SPCS3: variants seen among roughly 807,000 people sequenced by gnomAD.
The protein encoded by SPCS3 is signal peptidase complex subunit 3.
A neutral mutation model predicts 17.2 loss-of-function variants in SPCS3; 9 were observed. The observed-to-expected ratio is 0.52, with a 90% confidence interval of 0.31 to 0.91. The LOEUF (loss-of-function observed/expected upper bound fraction) is 0.91, where lower values mean the gene tolerates loss of function less well. Among genes scored for constraint, SPCS3 ranks in the 40% least tolerant of loss-of-function variants. The pLI, the probability that SPCS3 is intolerant of heterozygous loss-of-function variation, is 0.04. For synonymous variants in SPCS3, 87 were observed against 89.6 expected (o/e 0.97, Z 0.16); for missense variants, 139 against 217.5 (o/e 0.64, Z 2.27).
chr4:176,326,439 A>G (rs1024307236), intron 3 of SPCS3, among the ~76,000 whole-genome samples: 2 of 152,174 alleles, frequency 1.3e-5, no homozygotes, highest in African/African-American at 4.8e-5. Context: ...AGTGGCCACA[A>G]ATTTTTTTTA....
At position 176,320,068 on chromosome 4, in the gene SPCS3, A is replaced by G; in HGVS notation, c.-9A>G. On this transcript the variant is annotated 5_prime_UTR_variant, in exon 1 of 5. Coordinates refer to ENST00000503362, the MANE Select transcript of SPCS3 (RefSeq NM_021928.4). The stretch of plus-strand genomic sequence containing the variant: ...CGTGTGGAGTCCGGACTCGTGGGAG[A>G]CGATCGCGATGAACACGGTGCTGTC... The G allele has an allele frequency of 3.9e-6, 6 of 1,542,168 alleles. No homozygotes were observed. The highest frequency in any genetic ancestry group is 5.3e-6 in the Non-Finnish European group (6 of 1,142,396).
rs371867736 is a variant in SPCS3, at chr4:176,327,266, A to G, written c.399A>G (p.Gly133=). Residue 133 remains glycine, a synonymous_variant, in exon 4 of 5, where the codon GGA becomes GGG. Transcript: ENST00000503362. ...MKTKYFFFDD[G]NGLKGNRNVT... is the part of the protein sequence containing the mutation. The stretch of plus-strand genomic sequence containing the variant: ...CAAAATATTTTTTCTTTGACGATGG[A>G]AATGGTCTCAAGTGAGCAATTCTTG... 22 of 1,566,886 alleles carry G rather than the reference A, an allele frequency of 1.4e-5. No individual in the cohort carries two copies. The African/African-American group carries it at 2.9e-4, about 20-fold the overall frequency.
intron 2 of SPCS3, 34 bp from the exon 3 acceptor site, chr4:176,324,147 G>A (rs1021083578): frequency 1.0e-6 from 1 of 998,092 alleles, no homozygotes; most frequent in South Asian, 1.7e-5. Context: ...GTGATATACT[G>A]CTCATAAATT....
intron 4 of SPCS3, among the ~76,000 whole-genome samples, chr4:176,327,844 A>G (rs900679101): frequency 6.6e-6 from 1 of 152,248 alleles, no homozygotes; most frequent in Non-Finnish European, 1.5e-5. Context: ...AGGTTTGTCC[A>G]TCTAGATAAT....
chr4:176,330,925 A>AT lies in SPCS3; in HGVS notation c.*2602dup, dbSNP rs1400400828. On this transcript the variant is annotated 3_prime_UTR_variant, in exon 5 of 5. Coordinates refer to ENST00000503362, the MANE Select transcript of SPCS3 (RefSeq NM_021928.4). The stretch of plus-strand genomic sequence containing the variant: ...AACCTAGACAAACATCTGTATCAGT[A>AT]TTTTTTTATTCCCCTGATTGATTAC... The AT allele has an allele frequency of 6.6e-6, 1 of 152,164 alleles. No homozygotes were observed. The highest frequency in any genetic ancestry group is 1.9e-4 in the East Asian group (1 of 5,196). The allele number at this position is 152,164 out of a possible 1,614,324, so 9.4% of individuals were successfully genotyped here. A position where few individuals can be genotyped will look rare whatever the true frequency, so the allele number is the denominator to read the frequency against.
At position 176,328,338 on chromosome 4, in the gene SPCS3, T is replaced by C; in HGVS notation, c.*8T>C. On this transcript the variant is annotated 3_prime_UTR_variant, in exon 5 of 5. Coordinates refer to ENST00000503362, the MANE Select transcript of SPCS3 (RefSeq NM_021928.4). The stretch of plus-strand genomic sequence containing the variant: ...ATAACGAAGAGTTATTAAATTATTC[T>C]GAATTTGAAACAACATATTTTTATA... 6.4e-7 allele frequency: 1 copy of C among 1,572,028 alleles called. No individual in the cohort carries two copies. The highest frequency in any genetic ancestry group is 8.6e-7 in the Non-Finnish European group (1 of 1,157,412).
chr4:176,324,405 C>T (rs931410661), intron 3 of SPCS3, 148 bp downstream of exon 3: 10 of 404,630 alleles, frequency 2.5e-5, no homozygotes, highest in Admixed American at 1.1e-4. Context: ...GTTATGAAAA[C>T]ATTTGATCTT....
rs1460882959 is a variant in SPCS3 at position 176,329,709 on chromosome 4, G to A, written c.*1379G>A. 6.6e-6 allele frequency: 1 copy of A among 151,188 alleles called. No individual in the cohort carries two copies. The highest frequency in any genetic ancestry group is 1.5e-5 in the Non-Finnish European group (1 of 67,824). The allele number at this position is 151,188 out of a possible 1,614,324, so 9.4% of individuals were successfully genotyped here. A position where few individuals can be genotyped will look rare whatever the true frequency, so the allele number is the denominator to read the frequency against. On this transcript the variant is annotated 3_prime_UTR_variant, in exon 5 of 5. Coordinates refer to ENST00000503362, the MANE Select transcript of SPCS3 (RefSeq NM_021928.4). ...ATTTAACATGTTTTTTTTTTCTGCA[G>A]TGGACAAATAAACATCCTCAAAGTA...
intron 1 of SPCS3, chr4:176,320,425 CCACCGTAAATT>C (rs1731519964): frequency 6.2e-6 from 2 of 323,872 alleles, no homozygotes; most frequent in Non-Finnish European, 1.1e-5. Context: ...TTGCACCCCT[CCACCGTAAATT>C]CCCGGGCTTG....
At chr4:176,327,618 G>A (rs1428709339) in intron 4 of SPCS3, among the ~76,000 whole-genome samples, 3 of 152,126 alleles carry the variant, frequency 2.0e-5, no homozygotes, top group African/African-American at 7.2e-5. Context: ...CAGCATGTTG[G>A]GTCTAGGAGT....
chr4:176,328,156 C>T (rs758489398), intron 4 of SPCS3, 42 bp from the exon 5 acceptor site: 1 of 1,597,520 alleles, frequency 6.3e-7, no homozygotes, highest in Non-Finnish European at 8.5e-7. Flanking sequence ...TTTTGAACTA[C>T]TAGTGTCTCT....
Position 176,328,437 on chromosome 4 carries a change from T to TTG in SPCS3, c.*108_*109insGT. ...TGTTGGTTTGTTTTTTGGTTTTGGG[T>TTG]TTTTTTTTTTTTTTTTTTGGTATAA... is the stretch of plus-strand genomic sequence containing the variant. On this transcript the variant is annotated 3_prime_UTR_variant, in exon 5 of 5. Coordinates refer to ENST00000503362, the MANE Select transcript of SPCS3 (RefSeq NM_021928.4). The TTG allele has an allele frequency of 1.1e-5, 1 of 94,554 alleles. No homozygotes were observed. The allele number at this position is 94,554 out of a possible 1,614,324, so 5.9% of individuals were successfully genotyped here. A position where few individuals can be genotyped will look rare whatever the true frequency, so the allele number is the denominator to read the frequency against.
Position 176,331,100 on chromosome 4 carries a change from G to A in SPCS3, c.*2770G>A, listed in dbSNP as rs945758647. The A allele has an allele frequency of 1.3e-5, 2 of 152,020 alleles. No homozygotes were observed. The highest frequency in any genetic ancestry group is 2.9e-5 in the Non-Finnish European group (2 of 67,994). The allele number at this position is 152,020 out of a possible 1,614,324, so 9.4% of individuals were successfully genotyped here. ...CAGCCAATTCATAGCTGGGCTTTAA[G>A]ATTATCATCTTAGAGATGATAGATG... is the stretch of plus-strand genomic sequence containing the variant. On this transcript the variant is annotated 3_prime_UTR_variant, in exon 5 of 5. Transcript: ENST00000503362.
intron 3 of SPCS3, among the ~76,000 whole-genome samples, chr4:176,326,250 G>C (rs1218351958): frequency 6.6e-6 from 1 of 152,022 alleles, no homozygotes; most frequent in Non-Finnish European, 1.5e-5. Context: ...GCAGTGAGCT[G>C]AGATTGTGCC....
intron 3 of SPCS3, among the ~76,000 whole-genome samples, chr4:176,326,437 C>T (rs971561721): frequency 7.2e-5 from 11 of 152,088 alleles, no homozygotes; most frequent in African/African-American, 2.7e-4. Flanking sequence ...GTAGTGGCCA[C>T]AAATTTTTTT....
At chr4:176,321,605 A>G (rs1018414015) in intron 1 of SPCS3, 2 of 152,304 alleles carry the variant, frequency 1.3e-5, no homozygotes, top group Non-Finnish European at 2.9e-5. Flanking sequence ...GATAAAACTT[A>G]CAAGTTAAGC....
chr4:176,328,519 T>C lies in SPCS3; in HGVS notation c.*189T>C, dbSNP rs1731640035. 1 of 350,404 alleles carries C rather than the reference T, an allele frequency of 2.9e-6. No homozygotes were observed. The highest frequency in any genetic ancestry group is 5.0e-6 in the Non-Finnish European group (1 of 198,508). The allele number at this position is 350,404 out of a possible 1,614,324, so 21.7% of individuals were successfully genotyped here. A position where few individuals can be genotyped will look rare whatever the true frequency, so the allele number is the denominator to read the frequency against. On this transcript the variant is annotated 3_prime_UTR_variant, in exon 5 of 5. Coordinates refer to ENST00000503362, the MANE Select transcript of SPCS3 (RefSeq NM_021928.4). The stretch of plus-strand genomic sequence containing the variant: ...AAGGTTAATGGGCTACTTAATATTA[T>C]GAACAAAACAAAAAAACAAGGCTGC...
intron 3 of SPCS3, among the ~76,000 whole-genome samples, 152 bp downstream of exon 3, chr4:176,324,409 T>A (rs1731576674): frequency 6.6e-6 from 1 of 152,196 alleles, no homozygotes; most frequent in Non-Finnish European, 1.5e-5. Flanking sequence ...TGAAAACATT[T>A]GATCTTTTGG....
At chr4:176,325,726 T>TTTG (rs879257326) in intron 3 of SPCS3, among the ~76,000 whole-genome samples, 12 of 152,002 alleles carry the variant, frequency 7.9e-5, no homozygotes, top group Non-Finnish European at 1.6e-4. Flanking sequence ...GAACTGGTTT[T>TTTG]TTGTTGTTGT....
Sources: allele counts gnomAD v4.1 joint callset (sites outside exome capture counted in the v4.1 genomes callset), GRCh38; gene constraint gnomAD v4.1.1; transcripts MANE v1.5; gene names NCBI Gene and HGNC (gene_info 2026-07-23, HGNC 2026-07-21).